The following HYKK variants were observed in gnomAD, a reference collection of about 807,000 sequenced individuals.
HYKK encodes the protein 5-hydroxy-L-lysine kinase.
Under a neutral mutation model 29.7 loss-of-function variants are expected in HYKK, and 19 were observed. The ratio of observed to expected loss-of-function variants is 0.64; its 90% CI spans 0.45 to 0.94. HYKK has a LOEUF of 0.94. HYKK is among the 40% of genes least tolerant of loss of function. HYKK has a pLI of 0.00. For missense variants in HYKK, 390 were observed against 443.4 expected (o/e 0.88, Z 1.08); for synonymous variants, 152 against 158.1 (o/e 0.96, Z 0.29).
At chr15:78,524,158 T>C (rs1196472327) in intron 3 of HYKK, among the ~76,000 whole-genome samples, 1 of 152,244 alleles carries the variant, frequency 6.6e-6, no homozygotes, top group Non-Finnish European at 1.5e-5. Context: ...AGTTTCTCCA[T>C]GAGGGCTCCA....
chr15:78,530,973 G>A (rs2141364617), intron 4 of HYKK, among the ~76,000 whole-genome samples: 1 of 152,142 alleles, frequency 6.6e-6, no homozygotes, highest in South Asian at 2.1e-4. Context: ...GGGTTCAAGT[G>A]ATTCTCATGC....
intron 1 of HYKK, 129 bp from the exon 2 acceptor site, chr15:78,512,955 A>C: frequency 1.6e-6 from 1 of 609,310 alleles, no homozygotes; most frequent in East Asian, 2.8e-5. Flanking sequence ...TAACTTTATG[A>C]GTAAAACTTA....
intron 1 of HYKK, among the ~76,000 whole-genome samples, chr15:78,509,517 T>C (rs2052050186): frequency 6.6e-6 from 1 of 152,218 alleles, no homozygotes; most frequent in African/African-American, 2.4e-5. Context: ...CCTTCACCAG[T>C]TGCCTCTAAG....
chr15:78,518,632 A>G, intron 3 of HYKK: 1 of 454,624 alleles, frequency 2.2e-6, no homozygotes, highest in Non-Finnish European at 4.4e-6. Flanking sequence ...AAAACTGAAG[A>G]CCAGGCCGGG....
In HYKK at chr15:78,533,368, A is replaced by G; in HGVS notation, c.820A>G (p.Met274Val). 6.2e-7 allele frequency: 1 copy of G among 1,614,218 alleles called. No homozygotes were observed. The highest frequency in any genetic ancestry group is 8.5e-7 in the Non-Finnish European group (1 of 1,180,038). ...AGTGGCAATTACCATCATGTACATG[A>G]TGATTGAGAGCAAGAGTCCTATACA... ...FEVAITIMYM[M>V]IESKSPIQVG... The change falls in exon 5 of 5, where the codon ATG becomes GTG. Residue 274 changes from methionine (M) to valine (V), a missense_variant. Physicochemically the swap from Met to Val is conservative, Grantham distance 21. Transcript: ENST00000388988.
intron 4 of HYKK, 47 bp downstream of exon 4, chr15:78,527,610 CA>C: frequency 6.3e-7 from 1 of 1,598,044 alleles, no homozygotes; most frequent in East Asian, 2.2e-5. Context: ...TTAAACTGTC[CA>C]ATTTCATATC....
At chr15:78,531,460 A>G (rs2052311720) in intron 4 of HYKK, among the ~76,000 whole-genome samples, 1 of 152,206 alleles carries the variant, frequency 6.6e-6, no homozygotes, top group African/African-American at 2.4e-5. Flanking sequence ...ATGTTAAAGT[A>G]TATTTTAATC....
At chr15:78,516,883 A>G (rs1032004550) in intron 3 of HYKK, among the ~76,000 whole-genome samples, 48 of 151,828 alleles carry the variant, frequency 3.2e-4, no homozygotes, top group African/African-American at 1.1e-3. Context: ...TTACCCTGGC[A>G]TGGTGGTGCA....
rs556567558 is a variant in HYKK at position 78,510,070 on chromosome 15, CT to C, written c.-6+2408del. Among the ~76,000 whole-genome samples, 825 of 151,510 alleles carry C rather than the reference CT, an allele frequency of 5.4e-3. 8 individuals carry two copies. Among genetic ancestry groups the C allele is most frequent in the Non-Finnish European group, 7.4e-3 (505 of 67,790 alleles). ...TTACCTCTCCCTTATTTTCTCTTCTCTTTTTTTTTCTTTCTTTCTTTTCTTT... is the reference window on the plus strand; with the variant it reads ...TTACCTCTCCCTTATTTTCTCTTCTCTTTTTTTTCTTTCTTTCTTTTCTTT... On this transcript the variant is annotated intron_variant, in intron 1 of 4. Transcript: ENST00000388988.
intron 3 of HYKK, among the ~76,000 whole-genome samples, chr15:78,520,825 G>T (rs1022398526): frequency 5.2e-4 from 79 of 151,716 alleles, no homozygotes; most frequent in African/African-American, 1.7e-3. Context: ...CCGGGCAGAG[G>T]CGCCCCTCAC....
In HYKK at chr15:78,527,443, G is replaced by A. The variant is rs760694142; in HGVS notation, c.541G>A (p.Val181Ile). Residue 181 changes from valine (V) to isoleucine (I), a missense_variant, in exon 4 of 5, where the codon GTT becomes ATT. Coordinates refer to ENST00000388988, the MANE Select transcript of HYKK (RefSeq NM_001013619.4). ...GAACTTCATCTGGAATCTGAAAAATGTTCCTCTTCTGGAGAAATACCTGTA... is the reference window on the plus strand; with the variant it reads ...GAACTTCATCTGGAATCTGAAAAATATTCCTCTTCTGGAGAAATACCTGTA... ...RENFIWNLKN[V>I]PLLEKYLYAL... The A allele has an allele frequency of 1.3e-5, 21 of 1,613,954 alleles. No individual in the cohort carries two copies. In the Middle Eastern group the frequency reaches 4.9e-4, roughly 38 times the overall value.
chr15:78,516,024 A>G (rs552885091), intron 3 of HYKK, among the ~76,000 whole-genome samples: 1 of 152,300 alleles, frequency 6.6e-6, no homozygotes, highest in Admixed American at 6.5e-5. Context: ...AAACCTGAAG[A>G]TTTCATCCAG....
chr15:78,518,657 C>A (rs1231770234), intron 3 of HYKK: 2 of 451,570 alleles, frequency 4.4e-6, no homozygotes, highest in Admixed American at 2.4e-5. Flanking sequence ...GTAGCTTACG[C>A]CTATAATCCC....
At chr15:78,532,273 T>C (rs2052319997) in intron 4 of HYKK, among the ~76,000 whole-genome samples, 1 of 152,166 alleles carries the variant, frequency 6.6e-6, no homozygotes, top group South Asian at 2.1e-4. Flanking sequence ...GTACGCTCCA[T>C]TCAATGAGAC....
chr15:78,515,259 A>G (rs1270080238), intron 3 of HYKK, 152 bp downstream of exon 3: 2 of 485,820 alleles, frequency 4.1e-6, no homozygotes, highest in African/African-American at 4.0e-5. Flanking sequence ...CATACATTTT[A>G]TGACAGTAAG....
intron 3 of HYKK, among the ~76,000 whole-genome samples, chr15:78,527,178 C>T (rs552817981): frequency 4.0e-5 from 6 of 150,604 alleles, no homozygotes; most frequent in South Asian, 4.2e-4. Context: ...CCCAGCTACT[C>T]GGGAGGCTGA....
At chr15:78,526,513 A>C (rs1014246605) in intron 3 of HYKK, among the ~76,000 whole-genome samples, 1 of 152,226 alleles carries the variant, frequency 6.6e-6, no homozygotes, top group Non-Finnish European at 1.5e-5. Context: ...AACCATGTGG[A>C]TATCTGGTGA....
rs986814516 is a variant in HYKK at position 78,514,906 on chromosome 15, C to CTATATA, written c.338-61_338-60insATATAT. 1.2e-5 allele frequency: 6 copies of CTATATA among 505,368 alleles called. No individual in the cohort carries two copies. In the East Asian group the frequency reaches 1.9e-4, roughly 16 times the overall value. The allele number at this position is 505,368 out of a possible 1,614,324, so 31.3% of individuals were successfully genotyped here. On this transcript the variant is annotated intron_variant, in intron 2 of 4. Transcript: ENST00000388988. Reference sequence around the variant, plus strand: ...TCTAAATACCTCTCTCTCTCTCTCTCTCTATATATATATATATATATAAAT... The same window carrying CTATATA: ...TCTAAATACCTCTCTCTCTCTCTCTCTATATATCTATATATATATATATATATAAAT...
chr15:78,537,238 G>T (rs2052370358), downstream of HYKK: 1 of 524,308 alleles, frequency 1.9e-6, no homozygotes, highest in Non-Finnish European at 3.6e-6. Flanking sequence ...CCATTGATTC[G>T]GTTTCTCTGG....
Sources: allele counts gnomAD v4.1 joint callset (sites outside exome capture counted in the v4.1 genomes callset), GRCh38; gene constraint gnomAD v4.1.1; transcripts MANE v1.5; gene names NCBI Gene and HGNC (gene_info 2026-07-23, HGNC 2026-07-21).